The following PTN variants were observed in gnomAD, a reference collection of about 807,000 sequenced individuals.
PTN encodes heparin affin regulatory protein.
In PTN, 18 loss-of-function variants were observed where a neutral mutation model predicts 24.1. That is an observed-to-expected ratio of 0.75 (90% CI 0.52 to 1.11). The LOEUF (loss-of-function observed/expected upper bound fraction) is 1.11, where lower values mean the gene tolerates loss of function less well. Ranked by LOEUF, PTN falls within the 50% of genes least tolerant of loss-of-function variation. PTN has a pLI of 0.00. For synonymous variants in PTN, 78 were observed against 68.6 expected, an observed-to-expected ratio of 1.14 and a Z score of -0.67; for missense variants, 163 against 198.8, an observed-to-expected ratio of 0.82 and a Z score of 1.08.
At chr7:137,265,076 G>T (rs1809116906) in intron 1 of PTN, among the ~76,000 whole-genome samples, 3 of 151,416 alleles carry the variant, frequency 2.0e-5, no homozygotes. Flanking sequence ...CTCATGAAAA[G>T]CTTGCTGCTG....
rs905687542 is a variant in PTN, at chr7:137,228,190, G to T, written c.452-115C>A. 18 of 686,548 alleles carry T rather than the reference G, an allele frequency of 2.6e-5. No individual in the cohort carries two copies. The South Asian group carries it at 2.8e-4, about 11-fold the overall frequency. The allele number at this position is 686,548 out of a possible 1,614,324, so 42.5% of individuals were successfully genotyped here. On this transcript the variant is annotated intron_variant, in intron 4 of 4. Coordinates refer to ENST00000348225, the MANE Select transcript of PTN (RefSeq NM_002825.7). ...AATTGACCAGACTGATACACAAGTT[G>T]TTTGCTCTTGGTAGTTCTCTTGGTA... is the stretch of plus-strand genomic sequence containing the variant.
chr7:137,336,880 T>C (rs1810457577), intron 1 of PTN, among the ~76,000 whole-genome samples: 1 of 152,184 alleles, frequency 6.6e-6, no homozygotes, highest in Non-Finnish European at 1.5e-5. Flanking sequence ...CAGACGTCAA[T>C]CCTGGAAGGT....
intron 1 of PTN, among the ~76,000 whole-genome samples, chr7:137,327,277 T>C (rs181787301): frequency 6.6e-6 from 1 of 152,214 alleles, no homozygotes; most frequent in Admixed American, 6.6e-5. Flanking sequence ...CAGTGATTCC[T>C]TACAATCTAA....
At chr7:137,240,063 C>A (rs1726826708) in intron 4 of PTN, among the ~76,000 whole-genome samples, 1 of 152,182 alleles carries the variant, frequency 6.6e-6, no homozygotes. Flanking sequence ...CAAAAGTTAC[C>A]TTGTCCGAGA....
At chr7:137,299,092 C>T (rs549868533) in intron 1 of PTN, among the ~76,000 whole-genome samples, 2 of 152,056 alleles carry the variant, frequency 1.3e-5, no homozygotes, top group South Asian at 4.2e-4. Flanking sequence ...ACCCATGCTA[C>T]GTTTCCATGG....
intron 1 of PTN, among the ~76,000 whole-genome samples, chr7:137,342,268 C>G (rs1424976565): frequency 2.0e-5 from 3 of 151,952 alleles, no homozygotes; most frequent in Non-Finnish European, 4.4e-5. Context: ...AAATCTCCTC[C>G]CAGACCCCTC....
rs79542554 is a variant in PTN at position 137,227,990 on chromosome 7, G to A, written c.*30C>T. On this transcript the variant is annotated 3_prime_UTR_variant, in exon 5 of 5. Transcript: ENST00000348225. The stretch of plus-strand genomic sequence containing the variant: ...TAGTTAACTGATCCTGTTTGCTGAT[G>A]TCCTTTTTATGTTCCACAGGTGACA... 2 of 1,602,450 alleles carry A rather than the reference G, an allele frequency of 1.2e-6. No individual in the cohort carries two copies. Among genetic ancestry groups the A allele is most frequent in the East Asian group, 2.2e-5 (1 of 44,630 alleles).
At chr7:137,282,538 A>G (rs2128876205) in intron 1 of PTN, among the ~76,000 whole-genome samples, 1 of 152,306 alleles carries the variant, frequency 6.6e-6, no homozygotes, top group East Asian at 1.9e-4. Context: ...TGATAGTCAG[A>G]GCAGCCAGCA....
intron 4 of PTN, among the ~76,000 whole-genome samples, chr7:137,234,648 A>G (rs1808487994): frequency 6.6e-6 from 1 of 152,090 alleles, no homozygotes; most frequent in South Asian, 2.1e-4. Context: ...TAAGAGAAAG[A>G]CATCTGTTTA....
At chr7:137,336,833 T>C (rs1395282148) in intron 1 of PTN, among the ~76,000 whole-genome samples, 1 of 152,204 alleles carries the variant, frequency 6.6e-6, no homozygotes, top group Non-Finnish European at 1.5e-5. Flanking sequence ...TCAGACTCTA[T>C]GTTCAGTACT....
intron 4 of PTN, among the ~76,000 whole-genome samples, chr7:137,243,384 C>T (rs930603304): frequency 6.6e-6 from 1 of 152,158 alleles, no homozygotes; most frequent in Admixed American, 6.5e-5. Flanking sequence ...CAATGGTGTA[C>T]TCAACAGTTC....
chr7:137,339,463 T>C (rs1810499692), intron 1 of PTN, among the ~76,000 whole-genome samples: 3 of 148,792 alleles, frequency 2.0e-5, no homozygotes, highest in Admixed American at 6.8e-5. Context: ...TGGACATGAG[T>C]AACTCCAGCT....
At chr7:137,245,562 A>G (rs528627721) in intron 4 of PTN, among the ~76,000 whole-genome samples, 5 of 152,356 alleles carry the variant, frequency 3.3e-5, no homozygotes, top group Admixed American at 3.3e-4. Context: ...TGTATTTACT[A>G]TACAATACTT....
chr7:137,313,073 C>A (rs530373530), intron 1 of PTN, among the ~76,000 whole-genome samples: 3 of 9,022 alleles, frequency 3.3e-4, no homozygotes, highest in African/African-American at 4.2e-4. Context: ...TCTTCCTTCT[C>A]GTTCCCCCCT....
chr7:137,266,953 G>A (rs1487834868), intron 1 of PTN, among the ~76,000 whole-genome samples: 2 of 147,866 alleles, frequency 1.4e-5, no homozygotes, highest in African/African-American at 2.5e-5. Context: ...AGGTTACTGG[G>A]TTAAGGGTTT....
At chr7:137,274,159 C>G (rs1327846936) in intron 1 of PTN, among the ~76,000 whole-genome samples, 1 of 152,082 alleles carries the variant, frequency 6.6e-6, no homozygotes, top group Non-Finnish European at 1.5e-5. Context: ...TTAAGAGAGG[C>G]CTGAGAAGGT....
intron 1 of PTN, among the ~76,000 whole-genome samples, chr7:137,301,449 C>T (rs746887569): frequency 6.6e-6 from 1 of 151,780 alleles, no homozygotes; most frequent in Non-Finnish European, 1.5e-5. Context: ...AAAGATTGGA[C>T]TAGATGTTTT....
At chr7:137,264,000 C>T (rs1160383543) in intron 1 of PTN, among the ~76,000 whole-genome samples, 5 of 152,186 alleles carry the variant, frequency 3.3e-5, no homozygotes, top group Non-Finnish European at 7.3e-5. Context: ...GCAACTAAGT[C>T]ATCCTACAGA....
intron 4 of PTN, among the ~76,000 whole-genome samples, chr7:137,240,665 C>T (rs1471857346): frequency 6.6e-6 from 1 of 152,104 alleles, no homozygotes; most frequent in Non-Finnish European, 1.5e-5. Context: ...ATGGCTGGGG[C>T]AAAGTTTGTA....
Sources: gnomAD v4.1 joint callset for allele counts (sites outside exome capture counted in the v4.1 genomes callset) on GRCh38, gnomAD v4.1.1 for gene constraint, MANE v1.5 for transcripts, NCBI Gene and HGNC (gene_info 2026-07-23, HGNC 2026-07-21) for gene names.